Variants in SSBP3 observed in about 807,000 individuals in gnomAD.
SSBP3 encodes single-stranded DNA-binding protein 3.
In SSBP3, 5 loss-of-function variants were observed where a neutral mutation model predicts 69.6. The ratio of observed to expected loss-of-function variants is 0.07; its 90% CI spans 0.04 to 0.15. SSBP3 has a LOEUF of 0.15. SSBP3 is among the 10% of genes least tolerant of loss of function. The probability of loss-of-function intolerance (pLI) is 1.00; values close to 1 mark genes in which losing one functional copy is unlikely to be tolerated. For synonymous variants in SSBP3, 196 were observed against 193.4 expected (o/e 1.01, Z -0.11); for missense variants, 312 against 534.0 (o/e 0.58, Z 4.10).
intron 4 of SSBP3, among the ~76,000 whole-genome samples, chr1:54,401,377 A>AAC (rs140889770): frequency 0.087 from 12,729 of 146,880 alleles, 807 homozygotes; most frequent in African/African-American, 0.18. Context: ...ACCCACACCA[A>AAC]ACACACACAC....
At chr1:54,378,021 C>A (rs1647313759) in intron 4 of SSBP3, among the ~76,000 whole-genome samples, 1 of 152,142 alleles carries the variant, frequency 6.6e-6, no homozygotes, top group Non-Finnish European at 1.5e-5. Context: ...CAACACAGCA[C>A]AAATCCACAC....
chr1:54,318,683 G>A (rs899821646), intron 4 of SSBP3, among the ~76,000 whole-genome samples: 2 of 152,110 alleles, frequency 1.3e-5, no homozygotes, highest in Admixed American at 1.3e-4. Flanking sequence ...TCCATAGCCT[G>A]CTCTCCCAGG....
At chr1:54,368,300 A>G (rs1318203229) in intron 4 of SSBP3, among the ~76,000 whole-genome samples, 1 of 151,730 alleles carries the variant, frequency 6.6e-6, no homozygotes, top group East Asian at 1.9e-4. Context: ...AAAAAAAAAA[A>G]AAAAAAAAGA....
intron 5 of SSBP3, among the ~76,000 whole-genome samples, chr1:54,275,611 C>T (rs1409062355): frequency 6.6e-6 from 1 of 152,246 alleles, no homozygotes; most frequent in East Asian, 1.9e-4. Flanking sequence ...CCACAGCTCA[C>T]AGTGCCCAAG....
At position 54,275,300 on chromosome 1, in the gene SSBP3, C is replaced by T. The variant is rs1010069403; in HGVS notation, c.366+6138G>A. On this transcript the variant is annotated intron_variant, in intron 5 of 17. Coordinates refer to ENST00000610401, the Ensembl canonical transcript of SSBP3. ...CAGATGGGTGGGGACCCCAGCGCCCCGCCACCAAGCTTCCACTAGTAACAG... is the reference window on the plus strand; with the variant it reads ...CAGATGGGTGGGGACCCCAGCGCCCTGCCACCAAGCTTCCACTAGTAACAG... Among the ~76,000 whole-genome samples, 8 of 152,334 alleles carry T rather than the reference C, an allele frequency of 5.3e-5. 1 individual carries two copies. Among genetic ancestry groups the T allele is most frequent in the South Asian group, 4.1e-4 (2 of 4,830 alleles).
At chr1:54,236,027 C>T (rs1228337492) in intron 14 of SSBP3, among the ~76,000 whole-genome samples, 1 of 152,186 alleles carries the variant, frequency 6.6e-6, no homozygotes, top group African/African-American at 2.4e-5. Context: ...CTGGCTAGCC[C>T]CATCTAGGCT....
chr1:54,327,777 C>T (rs1408532093), intron 4 of SSBP3, among the ~76,000 whole-genome samples: 1 of 152,152 alleles, frequency 6.6e-6, no homozygotes, highest in African/African-American at 2.4e-5. Flanking sequence ...AAAAGGACAA[C>T]AGATTCAACA....
chr1:54,238,450 G>A (rs1002979425), intron 14 of SSBP3: 5 of 391,158 alleles, frequency 1.3e-5, no homozygotes, highest in Non-Finnish European at 2.1e-5. Flanking sequence ...TGGAAGGGTT[G>A]CCTGTGGAGG....
intron 4 of SSBP3, among the ~76,000 whole-genome samples, chr1:54,289,020 CAAAAAA>C (rs777871964): frequency 0.11 from 5,018 of 43,904 alleles, 386 homozygotes; most frequent in African/African-American, 0.31. Flanking sequence ...ACTCTGTCTC[CAAAAAA>C]AAAAAAAAAA....
At chr1:54,351,386 A>G (rs1469248687) in intron 4 of SSBP3, among the ~76,000 whole-genome samples, 1 of 152,166 alleles carries the variant, frequency 6.6e-6, no homozygotes, top group East Asian at 1.9e-4. Context: ...GGAAGGATGA[A>G]ATTAGATTAT....
chr1:54,382,135 A>G (rs1647701335), intron 4 of SSBP3, among the ~76,000 whole-genome samples: 1 of 152,248 alleles, frequency 6.6e-6, no homozygotes, highest in African/African-American at 2.4e-5. Flanking sequence ...CAGAGGCTGC[A>G]GTGAGCCGAG....
chr1:54,274,122 T>TC (rs1645243658), intron 5 of SSBP3, among the ~76,000 whole-genome samples: 1 of 151,896 alleles, frequency 6.6e-6, no homozygotes, highest in Non-Finnish European at 1.5e-5. Context: ...TCAGACAGAC[T>TC]CCCCCCACCT....
chr1:54,411,659 G>A (rs1440843259), intron 1 of SSBP3, among the ~76,000 whole-genome samples: 1 of 151,670 alleles, frequency 6.6e-6, no homozygotes, highest in African/African-American at 2.4e-5. Flanking sequence ...TGTGGAGGCC[G>A]AGGCAGGCAG....
chr1:54,239,085 T>A (rs1483273871), intron 14 of SSBP3, 44 bp downstream of exon 14: 2 of 1,519,084 alleles, frequency 1.3e-6, no homozygotes, highest in African/African-American at 2.8e-5. Flanking sequence ...TAATTATGAT[T>A]TGTTATGGTG....
At chr1:54,399,488 G>A (rs1478053720) in intron 4 of SSBP3, among the ~76,000 whole-genome samples, 1 of 152,234 alleles carries the variant, frequency 6.6e-6, no homozygotes, top group Non-Finnish European at 1.5e-5. Flanking sequence ...TTAGCAGAGT[G>A]GCCTGGCACA....
intron 4 of SSBP3, among the ~76,000 whole-genome samples, chr1:54,344,945 T>G (rs1320391678): frequency 2.6e-5 from 4 of 152,214 alleles, no homozygotes; most frequent in Admixed American, 6.5e-5. Context: ...AGCTGTAAAT[T>G]GCATTTGGTG....
intron 4 of SSBP3, among the ~76,000 whole-genome samples, chr1:54,357,618 T>TAAGCTG (rs1173146234): frequency 6.6e-6 from 1 of 152,204 alleles, no homozygotes; most frequent in African/African-American, 2.4e-5. Context: ...CCTAATGTCC[T>TAAGCTG]AAGCTGCGCA....
chr1:54,361,916 C>G (rs959267760), intron 4 of SSBP3, among the ~76,000 whole-genome samples: 6 of 152,216 alleles, frequency 3.9e-5, no homozygotes, highest in African/African-American at 9.7e-5. Context: ...GTTCAGTTCT[C>G]CCTTCCTCAC....
At chr1:54,239,556 C>G (rs533760779) in intron 13 of SSBP3, among the ~76,000 whole-genome samples, 2 of 152,318 alleles carry the variant, frequency 1.3e-5, no homozygotes. Context: ...TCTCCCACCA[C>G]CCTACAAAGT....
Sources: gnomAD v4.1 joint callset for allele counts (sites outside exome capture counted in the v4.1 genomes callset) on GRCh38, gnomAD v4.1.1 for gene constraint, MANE v1.5 for transcripts, NCBI Gene and HGNC (gene_info 2026-07-23, HGNC 2026-07-21) for gene names.